NEDD1: variants seen among roughly 807,000 people sequenced by gnomAD.
NEDD1 encodes the protein protein NEDD1.
In NEDD1, 33 loss-of-function variants were observed where a neutral mutation model predicts 74.0. That is an observed-to-expected ratio of 0.45 (90% CI 0.34 to 0.60). The LOEUF is 0.60. NEDD1 is among the 20% of genes least tolerant of loss of function. The pLI is 0.01. For synonymous variants in NEDD1, 250 were observed against 264.4 expected, an observed-to-expected ratio of 0.95 and a Z score of 0.53; for missense variants, 746 against 776.5, an observed-to-expected ratio of 0.96 and a Z score of 0.47.
intron 13 of NEDD1, among the ~76,000 whole-genome samples, chr12:96,945,010 A>G (rs537911387): frequency 6.6e-6 from 1 of 152,208 alleles, no homozygotes; most frequent in South Asian, 2.1e-4. Flanking sequence ...TTTGGTGTGA[A>G]TTAGATTTTC....
At chr12:96,939,804 T>C (rs565043876) in intron 9 of NEDD1, among the ~76,000 whole-genome samples, 64 of 152,050 alleles carry the variant, frequency 4.2e-4, no homozygotes, top group Non-Finnish European at 7.9e-4. Context: ...TTTATGAGTT[T>C]GGTGTTCTGG....
Position 96,943,785 on chromosome 12 carries a change from G to T in NEDD1, c.1497+23G>T, listed in dbSNP as rs768358839. On this transcript the variant is annotated intron_variant, in intron 12 of 15. Transcript: ENST00000266742. ...CAGGTATTTGCCTGAAAATGATACT[G>T]AACTCACTGTATGTGTTTATCAGTA... is the stretch of plus-strand genomic sequence containing the variant. 42 of 1,483,990 alleles carry T rather than the reference G, an allele frequency of 2.8e-5. 1 individual carries two copies. The South Asian group carries it at 4.4e-4, about 16-fold the overall frequency. 91.9% of individuals were successfully genotyped at this position (1,483,990 alleles called of 1,614,324 possible). A position where few individuals can be genotyped will look rare whatever the true frequency, so the allele number is the denominator to read the frequency against.
intron 6 of NEDD1, among the ~76,000 whole-genome samples, chr12:96,927,367 T>C (rs754179431): frequency 5.2e-4 from 79 of 152,328 alleles, no homozygotes; most frequent in Non-Finnish European, 1.2e-4. Flanking sequence ...TTAAAGTTAT[T>C]AGCTTTATGT....
At position 96,945,687 on chromosome 12, in the gene NEDD1, T is replaced by G. The variant is rs749160041; in HGVS notation, c.1655-6T>G. 3 of 1,559,798 alleles carry G rather than the reference T, an allele frequency of 1.9e-6. No individual in the cohort carries two copies. The highest frequency in any genetic ancestry group is 1.1e-5 in the South Asian group (1 of 89,662). ...CTATTAATATTTTCTTCATTCTTTA[T>G]TTTAGATCCAAAGATAGCATCTTCT... On this transcript the variant is annotated splice_region_variant and splice_polypyrimidine_tract_variant and intron_variant, in intron 13 of 15. Coordinates refer to ENST00000266742, the MANE Select transcript of NEDD1 (RefSeq NM_152905.4).
intron 14 of NEDD1, among the ~76,000 whole-genome samples, chr12:96,947,309 A>G (rs1662521351): frequency 6.6e-6 from 1 of 152,204 alleles, no homozygotes; most frequent in South Asian, 2.1e-4. Context: ...TGATGTTGAA[A>G]TCACAGAAAG....
chr12:96,924,412 CT>C (rs1253863209), intron 6 of NEDD1, among the ~76,000 whole-genome samples: 1 of 152,182 alleles, frequency 6.6e-6, no homozygotes, highest in African/African-American at 2.4e-5. Flanking sequence ...GGAACAACTA[CT>C]ATCTTAACAA....
At chr12:96,933,777 A>G (rs945995272) in intron 6 of NEDD1, among the ~76,000 whole-genome samples, 1 of 152,208 alleles carries the variant, frequency 6.6e-6, no homozygotes, top group African/African-American at 2.4e-5. Flanking sequence ...ATAAATTCAT[A>G]GGGAAAAATT....
chr12:96,948,255 T>A (rs79464821), intron 14 of NEDD1, among the ~76,000 whole-genome samples: 1,657 of 152,288 alleles, frequency 0.011, 16 homozygotes, highest in Non-Finnish European at 0.017. Context: ...CCTACTTTTT[T>A]TACATGAGCG....
At chr12:96,925,654 C>T (rs1448303458) in intron 6 of NEDD1, among the ~76,000 whole-genome samples, 2 of 152,158 alleles carry the variant, frequency 1.3e-5, no homozygotes, top group African/African-American at 4.8e-5. Context: ...ACCTCTTCCT[C>T]ACACCAGTAT....
intron 6 of NEDD1, among the ~76,000 whole-genome samples, chr12:96,923,788 TTGTGTGTG>T (rs10528785): frequency 0.024 from 3,486 of 142,324 alleles, 62 homozygotes; most frequent in South Asian, 0.049. Flanking sequence ...TAATACCTGT[TTGTGTGTG>T]TGTGTGTGTG....
intron 10 of NEDD1, among the ~76,000 whole-genome samples, chr12:96,940,887 T>A (rs1877597165): frequency 6.6e-6 from 1 of 152,054 alleles, no homozygotes; most frequent in Admixed American, 6.6e-5. Context: ...TGCAAAAAAG[T>A]CTTCCTAATT....
In NEDD1 at chr12:96,920,054, A is replaced by C. The variant is rs745785263; in HGVS notation, c.418A>C (p.Ser140Arg). ...NDCYIASGSLSGEIILHSVTT... is the reference protein window; with the variant it reads ...NDCYIASGSLRGEIILHSVTT... ...TTGCTACATTGCTTCTGGATCTCTTAGTGGTGAAATTATTTTACACAGTGT... is the reference window on the plus strand; with the variant it reads ...TTGCTACATTGCTTCTGGATCTCTTCGTGGTGAAATTATTTTACACAGTGT... The change falls in exon 6 of 16, where the codon AGT (serine) becomes CGT (arginine). Residue 140 changes from serine (S) to arginine (R), a missense_variant. This residue lies in a region of NEDD1 where 706 missense variants were observed against 706.7 expected (regional missense o/e 1.00). Coordinates refer to ENST00000266742, the MANE Select transcript of NEDD1 (RefSeq NM_152905.4). 3 of 1,603,024 alleles carry C rather than the reference A, an allele frequency of 1.9e-6. No individual in the cohort carries two copies. The highest frequency in any genetic ancestry group is 2.6e-6 in the Non-Finnish European group (3 of 1,170,328).
chr12:96,930,156 AACACACACACACACACACACAC>A (rs61405089), intron 6 of NEDD1, among the ~76,000 whole-genome samples: 4,101 of 93,528 alleles, frequency 0.044, 106 homozygotes, highest in African/African-American at 0.074. Context: ...TCTGTTGTAA[AACACACACACACACACACACAC>A]ACACACACAC....
At chr12:96,917,566 A>T (rs2136523940) in intron 4 of NEDD1, 55 bp from the exon 5 acceptor site, 1 of 1,457,722 alleles carries the variant, frequency 6.9e-7, no homozygotes, top group South Asian at 1.7e-5. Flanking sequence ...GAGACCTGAA[A>T]GTCAGCTCTG....
chr12:96,929,621 ATATT>A (rs1876149602), intron 6 of NEDD1, among the ~76,000 whole-genome samples: 1 of 136,044 alleles, frequency 7.4e-6, no homozygotes, highest in Admixed American at 7.4e-5. Context: ...ATATATATAT[ATATT>A]TTTTTTTTAA....
intron 7 of NEDD1, 117 bp from the exon 8 acceptor site, chr12:96,936,494 G>T (rs1877106192): frequency 7.7e-6 from 5 of 651,626 alleles, no homozygotes; most frequent in Non-Finnish European, 1.4e-5. Flanking sequence ...GGATATGTGT[G>T]CTCTTTGACC....
intron 1 of NEDD1, 69 bp downstream of exon 1, chr12:96,907,369 A>G: frequency 2.3e-6 from 1 of 436,244 alleles, no homozygotes. Context: ...CCCGATCCTA[A>G]GACCCGCTCC....
intron 3 of NEDD1, 114 bp downstream of exon 3, chr12:96,910,009 A>G: frequency 2.7e-6 from 3 of 1,101,592 alleles, no homozygotes; most frequent in Non-Finnish European, 3.8e-6. Flanking sequence ...TGTGTTTTGC[A>G]TTGCTACCAA....
intron 10 of NEDD1, among the ~76,000 whole-genome samples, chr12:96,941,549 G>A (rs371431356): frequency 7.9e-5 from 12 of 152,034 alleles, no homozygotes; most frequent in African/African-American, 1.4e-4. Flanking sequence ...ACAGAGGGAC[G>A]GATGTAGGTG....
Sources: allele counts gnomAD v4.1 joint callset (sites outside exome capture counted in the v4.1 genomes callset), GRCh38; gene constraint gnomAD v4.1.1; regional missense constraint gnomAD v4.1.1; transcripts MANE v1.5; gene names NCBI Gene and HGNC (gene_info 2026-07-23, HGNC 2026-07-21).